Variants in ZNF704 observed in about 807,000 individuals in gnomAD.
ZNF704 encodes glucocorticoid induced gene 1.
ZNF704 carries 10 observed loss-of-function variants against 44.7 expected under a neutral mutation model. The observed-to-expected ratio is 0.22, with a 90% CI of 0.14 to 0.38. The LOEUF (loss-of-function observed/expected upper bound fraction) is 0.38, where lower values mean the gene tolerates loss of function less well. ZNF704 is among the 10% of genes least tolerant of loss of function. The pLI, the probability that ZNF704 is intolerant of heterozygous loss-of-function variation, is 1.00. For synonymous variants in ZNF704, 211 were observed against 207.6 expected (o/e 1.02, Z -0.14); for missense variants, 390 against 545.5 (o/e 0.71, Z 2.84).
intron 2 of ZNF704, among the ~76,000 whole-genome samples, chr8:80,734,068 A>G (rs899584888): frequency 1.3e-5 from 2 of 152,254 alleles, no homozygotes; most frequent in Non-Finnish European, 2.9e-5. Context: ...AAAAACTGCC[A>G]ATCTACTCAT....
At chr8:80,681,104 T>G (rs1818446351) in intron 4 of ZNF704, among the ~76,000 whole-genome samples, 4 of 152,222 alleles carry the variant, frequency 2.6e-5, no homozygotes, top group Non-Finnish European at 5.9e-5. Context: ...TGCAATTTGT[T>G]TATCCAGGTA....
Position 80,821,561 on chromosome 8 carries a change from G to A in ZNF704, c.34C>T (p.Arg12Cys), listed in dbSNP as rs367630866. Residue 12 changes from arginine to cysteine, a missense_variant, in exon 2 of 9, where the codon CGT becomes TGT. By Grantham distance (180) the Arg-to-Cys change is radical (BLOSUM62 -3). Transcript: ENST00000327835. ...TGAGACATTTTTTTACCACAGTCAC[G>A]TTTTAAGTCCTCTGACTGAAATGTG... Reference protein sequence around the residue: ...TFTFQSEDLKRDCGKKMSHQH... With the variant: ...TFTFQSEDLKCDCGKKMSHQH... 8 of 1,613,712 alleles carry A rather than the reference G, an allele frequency of 5.0e-6. No individual in the cohort carries two copies. Among genetic ancestry groups the A allele is most frequent in the African/African-American group, 4.0e-5 (3 of 74,888 alleles).
In ZNF704 at chr8:80,781,390, G is replaced by A. The variant is rs73692137; in HGVS notation, c.221+39984C>T. Among the ~76,000 whole-genome samples the A allele has an allele frequency of 1.6e-3, 239 of 152,244 alleles. 2 individuals carry two copies. The highest frequency in any genetic ancestry group is 5.6e-3 in the African/African-American group (232 of 41,534). On this transcript the variant is annotated intron_variant, in intron 2 of 8. Coordinates refer to ENST00000327835, the MANE Select transcript of ZNF704 (RefSeq NM_001033723.3). ...TGACAATACATAAACAAATAAGCAT[G>A]ACTGTGTTCAATATTTTATTTATGC... is the stretch of plus-strand genomic sequence containing the variant.
At chr8:80,809,119 C>G (rs905646840) in intron 2 of ZNF704, among the ~76,000 whole-genome samples, 23 of 152,154 alleles carry the variant, frequency 1.5e-4, no homozygotes, top group Non-Finnish European at 2.9e-4. Flanking sequence ...CGGTGAAACC[C>G]TGTCCTACTA....
chr8:80,707,931 A>T (rs1045355681), intron 2 of ZNF704, among the ~76,000 whole-genome samples: 4 of 152,244 alleles, frequency 2.6e-5, no homozygotes, highest in Non-Finnish European at 5.9e-5. Context: ...AGACACTTGG[A>T]GTGTCCAAAT....
At chr8:80,702,336 T>C (rs1373192550) in intron 2 of ZNF704, among the ~76,000 whole-genome samples, 1 of 152,020 alleles carries the variant, frequency 6.6e-6, no homozygotes, top group Admixed American at 6.6e-5. Flanking sequence ...CTGTTATGGG[T>C]ACTGGGAGAG....
intron 2 of ZNF704, among the ~76,000 whole-genome samples, chr8:80,795,282 G>A (rs904553649): frequency 2.0e-5 from 3 of 152,052 alleles, no homozygotes; most frequent in Non-Finnish European, 2.9e-5. Flanking sequence ...TTAATGGCAC[G>A]GAATAAAAAT....
chr8:80,846,426 A>T (rs1290648774), intron 1 of ZNF704, among the ~76,000 whole-genome samples: 1 of 151,574 alleles, frequency 6.6e-6, no homozygotes, highest in African/African-American at 2.4e-5. Flanking sequence ...ACACACACAC[A>T]CACGTTAATT....
chr8:80,754,706 T>C (rs926489496), intron 2 of ZNF704, among the ~76,000 whole-genome samples: 2 of 152,190 alleles, frequency 1.3e-5, no homozygotes, highest in Non-Finnish European at 2.9e-5. Flanking sequence ...TTGTAAGCCC[T>C]GCTCCCCTGC....
intron 2 of ZNF704, among the ~76,000 whole-genome samples, chr8:80,708,248 T>C (rs1010323466): frequency 2.6e-5 from 4 of 152,230 alleles, no homozygotes; most frequent in African/African-American, 9.6e-5. Context: ...TAGATACGTA[T>C]ACTCCGTGCT....
chr8:80,649,281 CG>C (rs966610365), intron 7 of ZNF704, among the ~76,000 whole-genome samples: 1 of 152,082 alleles, frequency 6.6e-6, no homozygotes, highest in African/African-American at 2.4e-5. Context: ...ACTGAGGTAC[CG>C]GGTTCAACTC....
intron 2 of ZNF704, among the ~76,000 whole-genome samples, chr8:80,806,675 G>A (rs1055064178): frequency 6.6e-6 from 1 of 152,148 alleles, no homozygotes; most frequent in African/African-American, 2.4e-5. Flanking sequence ...ACCAAATGGA[G>A]CTTCAACAAC....
intron 2 of ZNF704, among the ~76,000 whole-genome samples, chr8:80,765,360 C>T (rs1807211144): frequency 6.6e-6 from 1 of 152,176 alleles, no homozygotes; most frequent in South Asian, 2.1e-4. Context: ...TGGAAATACC[C>T]TCACATACAC....
chr8:80,733,014 T>C (rs1256523975), intron 2 of ZNF704, among the ~76,000 whole-genome samples: 2 of 151,886 alleles, frequency 1.3e-5, no homozygotes, highest in African/African-American at 4.8e-5. Flanking sequence ...TCGACTCATT[T>C]AATCTTTCCT....
At chr8:80,776,488 C>T (rs571994084) in intron 2 of ZNF704, among the ~76,000 whole-genome samples, 1 of 152,198 alleles carries the variant, frequency 6.6e-6, no homozygotes, top group East Asian at 1.9e-4. Context: ...CTGTTATTGA[C>T]CTTAGTCATT....
chr8:80,709,297 A>G (rs1020627250), intron 2 of ZNF704, among the ~76,000 whole-genome samples: 4 of 151,860 alleles, frequency 2.6e-5, no homozygotes, highest in Non-Finnish European at 5.9e-5. Context: ...ACAAAAAATT[A>G]GCCGAGCATG....
chr8:80,747,804 C>T (rs1196015708), intron 2 of ZNF704, among the ~76,000 whole-genome samples: 1 of 152,196 alleles, frequency 6.6e-6, no homozygotes. Context: ...ACAACCTCCA[C>T]CTCCCCGATT....
intron 7 of ZNF704, among the ~76,000 whole-genome samples, chr8:80,658,499 C>A (rs181513377): frequency 6.6e-6 from 1 of 152,146 alleles, no homozygotes; most frequent in Non-Finnish European, 1.5e-5. Flanking sequence ...CCTCTTCTAA[C>A]GTCTACTAAC....
At chr8:80,855,803 C>A (rs915080239) in intron 1 of ZNF704, among the ~76,000 whole-genome samples, 1 of 152,272 alleles carries the variant, frequency 6.6e-6, no homozygotes, top group Middle Eastern at 3.4e-3. Context: ...AAATAATGAT[C>A]ATAGCAGAGA....
Sources: allele counts gnomAD v4.1 joint callset (sites outside exome capture counted in the v4.1 genomes callset), GRCh38; gene constraint gnomAD v4.1.1; transcripts MANE v1.5; gene names NCBI Gene and HGNC (gene_info 2026-07-23, HGNC 2026-07-21).